The following PACRG variants were observed in gnomAD, a reference collection of about 807,000 sequenced individuals.
The protein encoded by PACRG is parkin coregulated.
Under a neutral mutation model 29.7 loss-of-function variants are expected in PACRG, and 29 were observed. The observed-to-expected ratio is 0.98, with a 90% CI of 0.73 to 1.33. The LOEUF (loss-of-function observed/expected upper bound fraction) is 1.33, where lower values mean the gene tolerates loss of function less well. PACRG is among the 40% of genes most tolerant of loss of function. PACRG has a pLI of 0.00. For missense variants in PACRG, 279 were observed against 316.2 expected (o/e 0.88, Z 0.89); for synonymous variants, 116 against 118.7 (o/e 0.98, Z 0.15).
At position 162,728,157 on chromosome 6, in the gene PACRG, C is replaced by A; in HGVS notation, c.-79C>A. ...TATCGCGCCTTTTGATATTTTTTTC[C>A]AGACCTCCTGCTCACATCCGTAAAG... On this transcript the variant is annotated 5_prime_UTR_variant, in exon 1 of 5. Transcript: ENST00000366888. The A allele has an allele frequency of 6.6e-7, 1 of 1,509,652 alleles. No individual in the cohort carries two copies. The allele number at this position is 1,509,652 out of a possible 1,614,324, so 93.5% of individuals were successfully genotyped here. A position where few individuals can be genotyped will look rare whatever the true frequency, so the allele number is the denominator to read the frequency against.
intron 3 of PACRG, among the ~76,000 whole-genome samples, chr6:163,079,247 A>G (rs1812842337): frequency 6.6e-6 from 1 of 152,062 alleles, no homozygotes; most frequent in Non-Finnish European, 1.5e-5. Context: ...AAAAAAATTG[A>G]TAGATTTGGA....
chr6:163,250,655 A>G (rs1782866213), intron 4 of PACRG, among the ~76,000 whole-genome samples: 1 of 152,204 alleles, frequency 6.6e-6, no homozygotes, highest in African/African-American at 2.4e-5. Flanking sequence ...CAGCAATCCC[A>G]CTACTGGGTA....
intron 2 of PACRG, among the ~76,000 whole-genome samples, chr6:162,975,549 C>T (rs1363172153): frequency 6.6e-6 from 1 of 152,150 alleles, no homozygotes; most frequent in African/African-American, 2.4e-5. Context: ...TCATGTTTTA[C>T]TTTAGCTTTT....
At position 163,119,585 on chromosome 6, in the gene PACRG, C is replaced by T. The variant is rs117786666; in HGVS notation, c.613+30177C>T. On this transcript the variant is annotated intron_variant, in intron 4 of 4. Coordinates refer to ENST00000366888, the MANE Select transcript of PACRG (RefSeq NM_001080379.2). The stretch of plus-strand genomic sequence containing the variant: ...CACCCATCTCGGGATGATGGAGACT[C>T]CAAGTGTTACGTATTTTGCAAGCTT... Among the ~76,000 whole-genome samples, 171 of 152,248 alleles carry T rather than the reference C, an allele frequency of 1.1e-3. 1 individual carries two copies. Among genetic ancestry groups the T allele is most frequent in the Admixed American group, 3.2e-3 (49 of 15,294 alleles).
intron 4 of PACRG, chr6:163,183,621 CAACCT>C (rs1779774993): frequency 6.6e-6 from 1 of 152,022 alleles, no homozygotes; most frequent in Non-Finnish European, 1.5e-5. Context: ...TAAAATTTCC[CAACCT>C]TGATTTATAC....
At chr6:162,782,448 A>G (rs1203450290) in intron 1 of PACRG, among the ~76,000 whole-genome samples, 1 of 151,920 alleles carries the variant, frequency 6.6e-6, no homozygotes, top group Admixed American at 6.5e-5. Flanking sequence ...GACATAAATA[A>G]GGCCACATTG....
At chr6:162,947,379 T>TATGTAATC (rs1799161954) in intron 2 of PACRG, among the ~76,000 whole-genome samples, 1 of 116,614 alleles carries the variant, frequency 8.6e-6, no homozygotes, top group African/African-American at 3.4e-5. Context: ...TATATAATCA[T>TATGTAATC]ATATATAATC....
At chr6:163,187,920 G>A (rs1780029006) in intron 4 of PACRG, 1 of 152,224 alleles carries the variant, frequency 6.6e-6, no homozygotes, top group African/African-American at 2.4e-5. Flanking sequence ...CTCGGGTCTA[G>A]GGCATGCCTC....
chr6:163,189,802 GT>G (rs1780119975), intron 4 of PACRG: 1 of 152,188 alleles, frequency 6.6e-6, no homozygotes, highest in South Asian at 2.1e-4. Flanking sequence ...CCTGATGCCC[GT>G]GACTGACAAG....
intron 4 of PACRG, among the ~76,000 whole-genome samples, chr6:163,268,303 G>A (rs958407466): frequency 4.6e-5 from 7 of 151,976 alleles, no homozygotes; most frequent in Non-Finnish European, 7.4e-5. Context: ...TCGGGAGGCT[G>A]AGGCAAGAGA....
intron 2 of PACRG, among the ~76,000 whole-genome samples, chr6:162,890,364 A>G (rs1794665895): frequency 6.6e-6 from 1 of 152,184 alleles, no homozygotes; most frequent in South Asian, 2.1e-4. Context: ...CTAAGTAAAT[A>G]CTGACCAGCT....
chr6:162,941,048 A>ATGTG (rs370462604), intron 2 of PACRG, among the ~76,000 whole-genome samples: 17,050 of 81,810 alleles, frequency 0.21, 1,107 homozygotes, highest in Middle Eastern at 0.36. Context: ...GTGTTTGTGC[A>ATGTG]TGTGTGTGTG....
At chr6:163,296,314 G>A (rs1021392013) in intron 4 of PACRG, among the ~76,000 whole-genome samples, 8 of 151,556 alleles carry the variant, frequency 5.3e-5, no homozygotes, top group African/African-American at 7.3e-5. Context: ...TTTTTGAGAC[G>A]GAATCTCGCC....
rs1313286272 is a variant in PACRG at position 162,853,484 on chromosome 6, G to T, written c.291+39203G>T. On this transcript the variant is annotated intron_variant, in intron 2 of 4. Coordinates refer to ENST00000366888, the MANE Select transcript of PACRG (RefSeq NM_001080379.2). This position sits in a 1 kb window ranked among gnomAD's most constrained non-coding sequence, Gnocchi z 4.7. The stretch of plus-strand genomic sequence containing the variant: ...CAGAACTGTGGTGTTCTCAGTCCTT[G>T]TAGCCAATCTTCTTGTTTTTATCAC... Among the ~76,000 whole-genome samples the T allele has an allele frequency of 3.3e-5, 5 of 152,182 alleles. No homozygotes were observed. In the East Asian group the frequency reaches 5.8e-4, roughly 18 times the overall value.
Position 162,747,373 on chromosome 6 carries a change from T to C in PACRG, c.156+18982T>C, listed in dbSNP as rs1216628520. 2.3e-4 allele frequency among the ~76,000 whole-genome samples: 16 copies of C among 70,366 alleles called. 3 individuals are homozygous for C. Among genetic ancestry groups the C allele is most frequent in the Admixed American group, 3.2e-4 (2 of 6,236 alleles). 46.2% of individuals were successfully genotyped at this position (70,366 alleles called of 152,430 possible). On this transcript the variant is annotated intron_variant, in intron 1 of 4. Coordinates refer to ENST00000366888, the MANE Select transcript of PACRG (RefSeq NM_001080379.2). The stretch of plus-strand genomic sequence containing the variant: ...ATATATATATATATATACACATACA[T>C]ATATATGTATATATATGTATATATA...
At chr6:162,995,106 C>T (rs1235179153) in intron 2 of PACRG, among the ~76,000 whole-genome samples, 3 of 151,150 alleles carry the variant, frequency 2.0e-5, no homozygotes, top group African/African-American at 7.4e-5. Context: ...GTTCTCAGAT[C>T]TCCAGCTGCG....
At chr6:162,737,518 C>A (rs1388312226) in intron 1 of PACRG, among the ~76,000 whole-genome samples, 1 of 151,958 alleles carries the variant, frequency 6.6e-6, no homozygotes, top group East Asian at 1.9e-4. Context: ...TTTGTGTGTT[C>A]TTTTTCTTTT....
chr6:163,239,820 C>A (rs1452860486), intron 4 of PACRG, among the ~76,000 whole-genome samples: 1 of 137,326 alleles, frequency 7.3e-6, no homozygotes, highest in Non-Finnish European at 1.6e-5. Context: ...ACTCCCACCC[C>A]TACTTCTACA....
chr6:163,079,791 A>G (rs116407889), intron 3 of PACRG, among the ~76,000 whole-genome samples: 1 of 151,222 alleles, frequency 6.6e-6, no homozygotes, highest in Admixed American at 6.6e-5. Context: ...GAGCCTGTGC[A>G]CATTGTATCT....
Sources: allele counts gnomAD v4.1 joint callset (sites outside exome capture counted in the v4.1 genomes callset), GRCh38; gene constraint gnomAD v4.1.1; non-coding constraint Gnocchi (gnomAD v3.1); transcripts MANE v1.5; gene names NCBI Gene and HGNC (gene_info 2026-07-23, HGNC 2026-07-21).